Variants in MYOCD observed in about 807,000 individuals in gnomAD.
MYOCD encodes the protein myocardin.
MYOCD carries 32 observed loss-of-function variants against 96.1 expected under a neutral mutation model. The observed-to-expected ratio is 0.33, with a 90% CI of 0.25 to 0.45. The LOEUF is 0.45. Ranked by LOEUF, MYOCD falls within the 20% of genes least tolerant of loss-of-function variation. MYOCD has a pLI of 1.00. For synonymous variants in MYOCD, 469 were observed against 469.0 expected, an observed-to-expected ratio of 1.00 and a Z score of 0.00; for missense variants, 1,133 against 1,200.6, an observed-to-expected ratio of 0.94 and a Z score of 0.83.
intron 5 of MYOCD, among the ~76,000 whole-genome samples, chr17:12,724,338 A>T (rs1217347719): frequency 6.6e-6 from 1 of 152,150 alleles, no homozygotes; most frequent in South Asian, 2.1e-4. Flanking sequence ...CTAGTAGATT[A>T]TATTTTTCCT....
intron 4 of MYOCD, among the ~76,000 whole-genome samples, chr17:12,721,945 G>A (rs1304990724): frequency 6.6e-6 from 1 of 152,124 alleles, no homozygotes; most frequent in East Asian, 1.9e-4. Context: ...CCAAGCCTGT[G>A]GCAACCAATA....
At chr17:12,684,944 T>A (rs1326313911) in intron 1 of MYOCD, among the ~76,000 whole-genome samples, 1 of 151,936 alleles carries the variant, frequency 6.6e-6, no homozygotes, top group African/African-American at 2.4e-5. Flanking sequence ...GCACAAGTTA[T>A]ACACTTATGA....
intron 2 of MYOCD, 95 bp downstream of exon 2, chr17:12,705,288 C>A (rs2031245226): frequency 3.8e-6 from 3 of 788,588 alleles, no homozygotes; most frequent in Non-Finnish European, 6.4e-6. Context: ...TAAGCCAATG[C>A]ATTGGTCTCC....
intron 10 of MYOCD, among the ~76,000 whole-genome samples, chr17:12,754,099 T>A (rs886075124): frequency 6.6e-6 from 1 of 151,286 alleles, no homozygotes; most frequent in Non-Finnish European, 1.5e-5. Flanking sequence ...TGTGTGTAGT[T>A]TGGAAGTTTG....
At chr17:12,677,589 G>A (rs948556921) in intron 1 of MYOCD, among the ~76,000 whole-genome samples, 1 of 151,604 alleles carries the variant, frequency 6.6e-6, no homozygotes, top group African/African-American at 2.4e-5. Flanking sequence ...GCGGGCACCT[G>A]TAGTCCCAGC....
intron 1 of MYOCD, among the ~76,000 whole-genome samples, chr17:12,693,715 A>G (rs2030598672): frequency 6.6e-6 from 1 of 151,562 alleles, no homozygotes; most frequent in Non-Finnish European, 1.5e-5. Flanking sequence ...GAAAATATAT[A>G]TCATTAGTCT....
At chr17:12,736,125 AG>A (rs1223931821) in intron 5 of MYOCD, 35 bp from the exon 6 acceptor site, 1 of 1,602,888 alleles carries the variant, frequency 6.2e-7, no homozygotes, top group Non-Finnish European at 8.5e-7. Flanking sequence ...GATGCTCCTA[AG>A]CCACTGACCA....
chr17:12,692,146 G>A (rs999737789), intron 1 of MYOCD, among the ~76,000 whole-genome samples: 1 of 152,194 alleles, frequency 6.6e-6, no homozygotes, highest in Non-Finnish European at 1.5e-5. Context: ...TTACTCCTGT[G>A]CCTTCAGTTT....
rs202096132 is a variant in MYOCD at position 12,699,905 on chromosome 17, T to A, written c.56-5223T>A. 2.2e-5 allele frequency among the ~76,000 whole-genome samples: 3 copies of A among 134,914 alleles called. No homozygotes were observed. The East Asian group carries it at 6.4e-4, about 29-fold the overall frequency. 88.5% of individuals were successfully genotyped at this position (134,914 alleles called of 152,430 possible). ...TAATATATATTTCTTTTTTTTTTTT[T>A]ACCTTTTTTTTTTTTTTTTTTGAGA... On this transcript the variant is annotated intron_variant, in intron 1 of 13. Transcript: ENST00000425538.
chr17:12,685,031 C>T (rs545197537), intron 1 of MYOCD, among the ~76,000 whole-genome samples: 1 of 152,202 alleles, frequency 6.6e-6, no homozygotes, highest in African/African-American at 2.4e-5. Context: ...CATAGCGGCT[C>T]ATGCCTGTAA....
rs187247633 is a variant in MYOCD, at chr17:12,760,647, T to C, written c.2332-3T>C. On this transcript the variant is annotated splice_polypyrimidine_tract_variant and splice_region_variant and intron_variant, in intron 12 of 13. Transcript: ENST00000425538. ...CTGTCCTCCTTTGGTTAATTTGTAA[T>C]AGCAAATGACCCGGAGTCAGCAGAT... 2.5e-6 allele frequency: 4 copies of C among 1,613,604 alleles called. No homozygotes were observed. The highest frequency in any genetic ancestry group is 2.2e-5 in the East Asian group (1 of 44,886).
At chr17:12,705,459 G>A in intron 2 of MYOCD, 1 of 341,694 alleles carries the variant, frequency 2.9e-6, no homozygotes, top group Non-Finnish European at 5.2e-6. Context: ...AATTCATTAT[G>A]GGCACCCCTG....
chr17:12,760,169 TA>T (rs1164778027), intron 12 of MYOCD: 3 of 162,468 alleles, frequency 1.8e-5, no homozygotes, highest in East Asian at 1.6e-4. Flanking sequence ...ATTCAGTCTT[TA>T]AAAAAAAGAA....
intron 1 of MYOCD, among the ~76,000 whole-genome samples, chr17:12,670,917 A>T (rs1374157084): frequency 6.6e-6 from 1 of 152,206 alleles, no homozygotes; most frequent in Non-Finnish European, 1.5e-5. Context: ...CACCTGCTTG[A>T]GACCATTCCT....
chr17:12,739,499 C>A lies in MYOCD; in HGVS notation c.717+171C>A, dbSNP rs147254054. ...AAAACAGGAGATGAGAAATGGGTCA[C>A]CATCCTTGCAGCACAGCAGAAGTCA... On this transcript the variant is annotated intron_variant, in intron 7 of 13. Coordinates refer to ENST00000425538, the MANE Select transcript of MYOCD (RefSeq NM_001146312.3). 1.2e-3 allele frequency among the ~76,000 whole-genome samples: 184 copies of A among 152,324 alleles called. 2 individuals carry two copies. The highest frequency in any genetic ancestry group is 4.3e-3 in the African/African-American group (177 of 41,580).
chr17:12,712,362 G>A (rs2031506933), intron 2 of MYOCD, among the ~76,000 whole-genome samples: 1 of 152,066 alleles, frequency 6.6e-6, no homozygotes, highest in African/African-American at 2.4e-5. Context: ...TCTGCACCAG[G>A]CACAGCCCAA....
intron 5 of MYOCD, among the ~76,000 whole-genome samples, chr17:12,735,174 T>C (rs1328018215): frequency 6.6e-6 from 1 of 152,230 alleles, no homozygotes; most frequent in Admixed American, 6.5e-5. Flanking sequence ...GAGTCAAAAG[T>C]TCTTGTCAGT....
At chr17:12,760,365 T>C in intron 12 of MYOCD, 1 of 376,138 alleles carries the variant, frequency 2.7e-6, no homozygotes, top group South Asian at 3.0e-5. Flanking sequence ...GTGTGGGAAA[T>C]TATGGTTGAA....
At position 12,744,210 on chromosome 17, in the gene MYOCD, C is replaced by T. The variant is rs984062271; in HGVS notation, c.745C>T (p.Arg249Cys). 32 of 1,613,950 alleles carry T rather than the reference C, an allele frequency of 2.0e-5. No homozygotes were observed. The highest frequency in any genetic ancestry group is 8.9e-5 in the East Asian group (4 of 44,882). The change falls in exon 8 of 14, where the codon CGC becomes TGC. Residue 249 changes from arginine (R) to cysteine (C), a missense_variant. By Grantham distance (180) the Arg-to-Cys change is radical. Transcript: ENST00000425538. ...CAAATCCTTGGGTGACAGTAAGAAC[C>T]GCCACAAAAAGCCCAAGGACCCCAA... The part of the protein sequence containing the change: ...KSKSLGDSKN[R>C]HKKPKDPKPK...
Sources: allele counts gnomAD v4.1 joint callset (sites outside exome capture counted in the v4.1 genomes callset), GRCh38; gene constraint gnomAD v4.1.1; transcripts MANE v1.5; gene names NCBI Gene and HGNC (gene_info 2026-07-23, HGNC 2026-07-21).